TENM2: variants seen among roughly 807,000 people sequenced by gnomAD.
The protein encoded by TENM2 is teneurin-2.
Under a neutral mutation model 245.2 loss-of-function variants are expected in TENM2, and 52 were observed. The ratio of observed to expected loss-of-function variants is 0.21; its 90% confidence interval spans 0.17 to 0.27. The LOEUF is 0.27. Among genes scored for constraint, TENM2 ranks in the 10% least tolerant of loss-of-function variants. The pLI is 1.00. For missense variants in TENM2, 3,046 were observed against 3,666.8 expected, an observed-to-expected ratio of 0.83 and a Z score of 4.37; for synonymous variants, 1,363 against 1,438.9, an observed-to-expected ratio of 0.95 and a Z score of 1.19.
In TENM2 at chr5:167,642,940, A is replaced by G. The variant is rs369465667; in HGVS notation, c.503-233046A>G. Among the ~76,000 whole-genome samples the G allele has an allele frequency of 3.4e-4, 52 of 152,312 alleles. No individual in the cohort carries two copies. The East Asian group carries it at 7.5e-3, about 22-fold the overall frequency. ...GAAATTGCCCCTACATGTAAATCAC[A>G]GGACACAGCAATGCCACAGTGCTCA... On this transcript the variant is annotated intron_variant, in intron 2 of 28. Coordinates refer to ENST00000518659, the Ensembl canonical transcript of TENM2.
chr5:167,048,067 T>C, the TENM2 span, among the ~76,000 whole-genome samples: 8 of 152,182 alleles, frequency 5.3e-5, no homozygotes, highest in Non-Finnish European at 1.2e-4. Context: ...AGAGATAGAA[T>C]TCAATAAGAA....
chr5:167,541,664 C>A (rs1374045548), intron 2 of TENM2, among the ~76,000 whole-genome samples: 1 of 151,916 alleles, frequency 6.6e-6, no homozygotes, highest in Non-Finnish European at 1.5e-5. Flanking sequence ...GGAGACAAGA[C>A]CAAAAACTAC....
In TENM2 at chr5:168,067,627, T is replaced by C. The variant is rs146586981; in HGVS notation, c.1515+5362T>C. 9.7e-4 allele frequency among the ~76,000 whole-genome samples: 148 copies of C among 152,328 alleles called. 1 individual carries two copies. Among genetic ancestry groups the C allele is most frequent in the Middle Eastern group, 6.8e-3 (2 of 294 alleles). On this transcript the variant is annotated intron_variant, in intron 7 of 28. Coordinates refer to ENST00000518659, the Ensembl canonical transcript of TENM2. Reference sequence around the variant, plus strand: ...CTGTCTTTCCTTGTCCCCTTCTTTCTTGCCTAAGTAAGCAAACCTGCACAT... The same window carrying C: ...CTGTCTTTCCTTGTCCCCTTCTTTCCTGCCTAAGTAAGCAAACCTGCACAT...
chr5:167,001,027 GTTGA>G, the TENM2 span, among the ~76,000 whole-genome samples: 2 of 152,034 alleles, frequency 1.3e-5, no homozygotes, highest in African/African-American at 2.4e-5. Context: ...TGATTGGTTT[GTTGA>G]TTGATTGATT....
intron 19 of TENM2, among the ~76,000 whole-genome samples, chr5:168,209,202 T>C (rs1265260508): frequency 6.6e-6 from 1 of 152,244 alleles, no homozygotes; most frequent in Non-Finnish European, 1.5e-5. Context: ...TCATTAGAGT[T>C]ATAAAATTGG....
intron 2 of TENM2, among the ~76,000 whole-genome samples, chr5:167,566,338 GTC>G (rs1773906070): frequency 6.6e-6 from 1 of 152,112 alleles, no homozygotes. Context: ...CCTCCAGAAT[GTC>G]TGTCTGTTGT....
rs1582590989 is a variant in TENM2 at position 167,629,580 on chromosome 5, G to A, written c.503-246406G>A. ...CCAGGACTGAGCAGGTACATGAATT[G>A]ACTTCACACTAGAACATAAAGCAAG... On this transcript the variant is annotated intron_variant, in intron 2 of 28. Transcript: ENST00000518659. Among the ~76,000 whole-genome samples the A allele has an allele frequency of 2.0e-5, 3 of 152,264 alleles. No individual in the cohort carries two copies. In the East Asian group the frequency reaches 5.8e-4, roughly 29 times the overall value.
chr5:167,122,565 T>A, the TENM2 span, among the ~76,000 whole-genome samples: 1 of 152,224 alleles, frequency 6.6e-6, no homozygotes, highest in Admixed American at 6.5e-5. Context: ...TGGATGTTAA[T>A]GTTCCATGTT....
At chr5:167,343,773 TG>T in intron 1 of TENM2, among the ~76,000 whole-genome samples, 1 of 152,334 alleles carries the variant, frequency 6.6e-6, no homozygotes, top group South Asian at 2.1e-4. Flanking sequence ...AATTATATTT[TG>T]GTTTTATTTT....
the TENM2 span, among the ~76,000 whole-genome samples, chr5:167,183,611 G>T: frequency 6.6e-6 from 1 of 151,940 alleles, no homozygotes; most frequent in African/African-American, 2.4e-5. Context: ...TTCAACTTGG[G>T]GACACACTTT....
At chr5:167,781,866 A>C (rs1764208843) in intron 2 of TENM2, among the ~76,000 whole-genome samples, 1 of 151,660 alleles carries the variant, frequency 6.6e-6, no homozygotes, top group Admixed American at 6.6e-5. Flanking sequence ...AACATACAAA[A>C]CTTAGCTGGG....
intron 3 of TENM2, among the ~76,000 whole-genome samples, chr5:167,926,827 A>G (rs1777807993): frequency 1.3e-5 from 2 of 151,478 alleles, no homozygotes; most frequent in Admixed American, 1.3e-4. Flanking sequence ...TCAATTCCTT[A>G]GTTGTGATAC....
At chr5:167,382,408 A>C (rs913970696) in intron 2 of TENM2, among the ~76,000 whole-genome samples, 15 of 152,212 alleles carry the variant, frequency 9.9e-5, no homozygotes, top group Admixed American at 8.5e-4. Context: ...GCTAATGCTG[A>C]AATGGGAACC....
intron 2 of TENM2, among the ~76,000 whole-genome samples, chr5:167,567,956 G>T (rs1468975610): frequency 7.0e-6 from 1 of 142,360 alleles, no homozygotes; most frequent in African/African-American, 2.6e-5. Flanking sequence ...AGTACTCAAA[G>T]GAATAGCAAT....
chr5:167,263,632 T>A, the TENM2 span, among the ~76,000 whole-genome samples: 1 of 152,222 alleles, frequency 6.6e-6, no homozygotes, highest in Non-Finnish European at 1.5e-5. Context: ...ATAATGATTT[T>A]TTATGTGCCA....
the TENM2 span, among the ~76,000 whole-genome samples, chr5:167,129,300 T>C: frequency 6.6e-6 from 1 of 152,154 alleles, no homozygotes; most frequent in Admixed American, 6.5e-5. Context: ...GGCTTGCCAC[T>C]CCTTTCCATG....
intron 2 of TENM2, among the ~76,000 whole-genome samples, chr5:167,863,870 G>A (rs781190128): frequency 2.8e-4 from 43 of 152,060 alleles, no homozygotes; most frequent in Admixed American, 2.2e-3. Context: ...AATGATGTTC[G>A]AACAATTGTT....
chr5:168,134,264 A>T (rs888912601), intron 12 of TENM2, among the ~76,000 whole-genome samples: 2 of 152,206 alleles, frequency 1.3e-5, no homozygotes, highest in African/African-American at 4.8e-5. Flanking sequence ...TGTCTGTAAA[A>T]TGGGGGATAC....
intron 2 of TENM2, among the ~76,000 whole-genome samples, chr5:167,526,494 C>T (rs1327780251): frequency 6.6e-6 from 1 of 151,908 alleles, no homozygotes; most frequent in Non-Finnish European, 1.5e-5. Flanking sequence ...GCCTATATCA[C>T]TACTTGTATA....
Sources: allele counts gnomAD v4.1 joint callset (sites outside exome capture counted in the v4.1 genomes callset), GRCh38; gene constraint gnomAD v4.1.1; transcripts MANE v1.5; gene names NCBI Gene and HGNC (gene_info 2026-07-23, HGNC 2026-07-21).